RFTN1: variants seen among roughly 807,000 people sequenced by gnomAD.
RFTN1 encodes raftlin.
RFTN1 carries 26 observed loss-of-function variants against 46.5 expected under a neutral mutation model. That is an observed-to-expected ratio of 0.56 (90% confidence interval 0.41 to 0.78). The LOEUF (loss-of-function observed/expected upper bound fraction) is 0.78, where lower values mean the gene tolerates loss of function less well. Among genes scored for constraint, RFTN1 ranks in the 30% least tolerant of loss-of-function variants. The probability of loss-of-function intolerance (pLI) is 0.00; values close to 1 mark genes in which losing one functional copy is unlikely to be tolerated. For missense variants in RFTN1, 693 were observed against 718.7 expected, an observed-to-expected ratio of 0.96 and a Z score of 0.41; for synonymous variants, 261 against 284.2, an observed-to-expected ratio of 0.92 and a Z score of 0.82.
chr3:16,337,192 G>C lies in RFTN1; in HGVS notation c.1147-10316C>G, dbSNP rs902310225. ...CCTGTGGCCCTGCTAAGCAGCAGAC[G>C]TGAGAGATGCCATCTTGGAGCTGCT... On this transcript the variant is annotated intron_variant, in intron 7 of 9. Transcript: ENST00000334133. This position sits in a 1 kb window ranked among gnomAD's most constrained non-coding sequence, Gnocchi z 5.0. 1 of 152,230 alleles carries C rather than the reference G, an allele frequency of 6.6e-6. No homozygotes were observed. Among genetic ancestry groups the C allele is most frequent in the Admixed American group, 6.5e-5 (1 of 15,288 alleles). 9.4% of individuals were successfully genotyped at this position (152,230 alleles called of 1,614,324 possible).
Position 16,509,495 on chromosome 3 carries a change from C to T in RFTN1, c.-9+3947G>A, listed in dbSNP as rs1438981510. 2.0e-5 allele frequency among the ~76,000 whole-genome samples: 3 copies of T among 152,120 alleles called. No individual in the cohort carries two copies. Among genetic ancestry groups the T allele is most frequent in the Middle Eastern group, 3.2e-3 (1 of 316 alleles). On this transcript the variant is annotated intron_variant, in intron 1 of 9. Transcript: ENST00000334133. The surrounding 1 kb of genome is among the most constrained non-coding windows in gnomAD (Gnocchi z 4.9). ...TCATGAGGATTAAATTCAGATAATG[C>T]GTGCAAAATGTACAACAGTGCCTGG...
chr3:16,375,247 G>A (rs1021628110), intron 5 of RFTN1, among the ~76,000 whole-genome samples: 2 of 152,092 alleles, frequency 1.3e-5, no homozygotes, highest in East Asian at 1.9e-4. Flanking sequence ...CAGTGAGTGG[G>A]CTTCCTAGGA....
In RFTN1 at chr3:16,370,513, T is replaced by A. The variant is rs562038029; in HGVS notation, c.827-234A>T. 1.3e-5 allele frequency among the ~76,000 whole-genome samples: 2 copies of A among 152,310 alleles called. No individual in the cohort carries two copies. Among genetic ancestry groups the A allele is most frequent in the South Asian group, 4.2e-4 (2 of 4,818 alleles). On this transcript the variant is annotated intron_variant, in intron 5 of 9. Coordinates refer to ENST00000334133, the MANE Select transcript of RFTN1 (RefSeq NM_015150.2). The surrounding 1 kb of genome is among the most constrained non-coding windows in gnomAD (Gnocchi z 5.5). ...TTGGGCTTCTGATGGGGAACTTAGG[T>A]TTTTAATCTGGAATATAATGAATAG...
chr3:16,479,402 C>G lies in RFTN1; in HGVS notation c.145+14323G>C, dbSNP rs952769544. On this transcript the variant is annotated intron_variant, in intron 2 of 9. Transcript: ENST00000334133. The surrounding 1 kb of genome is among the most constrained non-coding windows in gnomAD (Gnocchi z 5.1). ...GTAAGTTTTTGTTTTCATTTACAGT[C>G]TCTAGATTGGCAAGAAACAGTGGTA... 4.6e-5 allele frequency among the ~76,000 whole-genome samples: 7 copies of G among 152,286 alleles called. No homozygotes were observed. The South Asian group carries it at 1.0e-3, about 23-fold the overall frequency.
intron 4 of RFTN1, among the ~76,000 whole-genome samples, chr3:16,397,747 T>C (rs1207271971): frequency 6.6e-6 from 1 of 151,960 alleles, no homozygotes; most frequent in Non-Finnish European, 1.5e-5. Flanking sequence ...GTATGTGCTA[T>C]GGTATAGATA....
chr3:16,316,670 TG>T lies in RFTN1; in HGVS notation c.*157del. 1 of 786,572 alleles carries T rather than the reference TG, an allele frequency of 1.3e-6. No homozygotes were observed. Among genetic ancestry groups the T allele is most frequent in the Non-Finnish European group, 2.1e-6 (1 of 471,390 alleles). 48.7% of individuals were successfully genotyped at this position (786,572 alleles called of 1,614,324 possible). A position where few individuals can be genotyped will look rare whatever the true frequency, so the allele number is the denominator to read the frequency against. On this transcript the variant is annotated 3_prime_UTR_variant, in exon 10 of 10. Coordinates refer to ENST00000334133, the MANE Select transcript of RFTN1 (RefSeq NM_015150.2). The surrounding 1 kb of genome is among the most constrained non-coding windows in gnomAD (Gnocchi z 4.5). ...GCAAAAACCAACACTGTCAGGAACC[TG>T]GCCCTGGGAGGGCTCAGGTGAGCTC...
Position 16,426,266 on chromosome 3 carries a change from T to C in RFTN1, c.332+7585A>G, listed in dbSNP as rs1266730282. Reference sequence around the variant, plus strand: ...CACCCCAGTAGGCGCTACCACCCCCTGTGTATTTCGCTTAATTATGAAACC... The same window carrying C: ...CACCCCAGTAGGCGCTACCACCCCCCGTGTATTTCGCTTAATTATGAAACC... On this transcript the variant is annotated intron_variant, in intron 3 of 9. Transcript: ENST00000334133. This position sits in a 1 kb window ranked among gnomAD's most constrained non-coding sequence, Gnocchi z 5.9. Among the ~76,000 whole-genome samples the C allele has an allele frequency of 6.6e-6, 1 of 152,176 alleles. No homozygotes were observed. The highest frequency in any genetic ancestry group is 1.5e-5 in the Non-Finnish European group (1 of 68,032).
rs184961363 is a variant in RFTN1, at chr3:16,474,951, T to A, written c.145+18774A>T. Among the ~76,000 whole-genome samples the A allele has an allele frequency of 3.5e-4, 53 of 152,334 alleles. 1 individual carries two copies. The highest frequency in any genetic ancestry group is 6.8e-3 in the Middle Eastern group (2 of 294). On this transcript the variant is annotated intron_variant, in intron 2 of 9. Transcript: ENST00000334133. This position sits in a 1 kb window ranked among gnomAD's most constrained non-coding sequence, Gnocchi z 5.5. ...GGATATTTGTCCCCTCCAAATCTCA[T>A]ATTGATATTTGATCTCCCACGTTGG...
rs555814751 is a variant in RFTN1 at position 16,410,124 on chromosome 3, A to G, written c.333-641T>C. On this transcript the variant is annotated intron_variant, in intron 3 of 9. Coordinates refer to ENST00000334133, the MANE Select transcript of RFTN1 (RefSeq NM_015150.2). This position sits in a 1 kb window ranked among gnomAD's most constrained non-coding sequence, Gnocchi z 4.6. ...CTACTCAAGTAATATATACATATCC[A>G]CATCATAGTAAGACCTCTAAGATGT... is the stretch of plus-strand genomic sequence containing the variant. Among the ~76,000 whole-genome samples, 37 of 152,056 alleles carry G rather than the reference A, an allele frequency of 2.4e-4. No individual in the cohort carries two copies. Among genetic ancestry groups the G allele is most frequent in the African/African-American group, 8.7e-4 (36 of 41,454 alleles).
Position 16,316,782 on chromosome 3 carries a change from C to T in RFTN1, c.*46G>A. ...CCCAAACCAGCTGTTGGTAAGATGCCTTGGGTTTGGCAACTCACCTAGTTT... is the reference window on the plus strand; with the variant it reads ...CCCAAACCAGCTGTTGGTAAGATGCTTTGGGTTTGGCAACTCACCTAGTTT... On this transcript the variant is annotated 3_prime_UTR_variant, in exon 10 of 10. Transcript: ENST00000334133. This position sits in a 1 kb window ranked among gnomAD's most constrained non-coding sequence, Gnocchi z 4.5. 2 of 1,610,572 alleles carry T rather than the reference C, an allele frequency of 1.2e-6. No homozygotes were observed. The highest frequency in any genetic ancestry group is 1.7e-4 in the Middle Eastern group (1 of 6,044).
At chr3:16,416,251 C>A in intron 3 of RFTN1, 1 of 455,580 alleles carries the variant, frequency 2.2e-6, no homozygotes, top group East Asian at 7.0e-5. Context: ...GAACTCGAAT[C>A]CTTAGAGTGT....
At position 16,504,834 on chromosome 3, in the gene RFTN1, T is replaced by G. The variant is rs1447509026; in HGVS notation, c.-9+8608A>C. 2.0e-5 allele frequency among the ~76,000 whole-genome samples: 3 copies of G among 152,138 alleles called. No homozygotes were observed. Among genetic ancestry groups the G allele is most frequent in the Admixed American group, 2.0e-4 (3 of 15,280 alleles). Reference sequence around the variant, plus strand: ...CTTTCTCTCTTCACCTGAGACTTTCTCAGCACTTCTGGAAGAATATGCCCC... The same window carrying G: ...CTTTCTCTCTTCACCTGAGACTTTCGCAGCACTTCTGGAAGAATATGCCCC... On this transcript the variant is annotated intron_variant, in intron 1 of 9. Transcript: ENST00000334133. The surrounding 1 kb of genome is among the most constrained non-coding windows in gnomAD (Gnocchi z 4.4).
In RFTN1 at chr3:16,445,489, A is replaced by T. The variant is rs373254984; in HGVS notation, c.146-11452T>A. 6.7e-3 allele frequency among the ~76,000 whole-genome samples: 967 copies of T among 143,306 alleles called. 11 individuals are homozygous for T. The highest frequency in any genetic ancestry group is 0.025 in the African/African-American group (906 of 36,020). The allele number at this position is 143,306 out of a possible 152,430, so 94.0% of individuals were successfully genotyped here. On this transcript the variant is annotated intron_variant, in intron 2 of 9. Coordinates refer to ENST00000334133, the MANE Select transcript of RFTN1 (RefSeq NM_015150.2). ...CTTTCTCTCTCTCTCTCTCTCACAC[A>T]CACACACACACACACACACACACAC...
rs1167092234 is a variant in RFTN1 at position 16,506,492 on chromosome 3, T to C, written c.-9+6950A>G. ...TGACAGTAAGTAGAGGTGTGAGCAG[T>C]GGTCAAATTCTGTATATGTTTTGAA... is the stretch of plus-strand genomic sequence containing the variant. On this transcript the variant is annotated intron_variant, in intron 1 of 9. Transcript: ENST00000334133. This position sits in a 1 kb window ranked among gnomAD's most constrained non-coding sequence, Gnocchi z 4.8. 1.3e-5 allele frequency among the ~76,000 whole-genome samples: 2 copies of C among 152,098 alleles called. No individual in the cohort carries two copies. Among genetic ancestry groups the C allele is most frequent in the Non-Finnish European group, 2.9e-5 (2 of 68,024 alleles).
At chr3:16,365,304 C>T (rs1204283506) in intron 6 of RFTN1, among the ~76,000 whole-genome samples, 2 of 152,200 alleles carry the variant, frequency 1.3e-5, no homozygotes, top group African/African-American at 4.8e-5. Flanking sequence ...CTCACCACCA[C>T]TGGCATTATT....
chr3:16,404,486 A>G (rs1251620566), intron 4 of RFTN1, among the ~76,000 whole-genome samples: 1 of 144,392 alleles, frequency 6.9e-6, no homozygotes, highest in Non-Finnish European at 1.5e-5. Context: ...GCCATGCCCT[A>G]CATCTTTACA....
chr3:16,425,641 G>A lies in RFTN1; in HGVS notation c.332+8210C>T, dbSNP rs887163467. Among the ~76,000 whole-genome samples, 46 of 152,018 alleles carry A rather than the reference G, an allele frequency of 3.0e-4. No individual in the cohort carries two copies. The highest frequency in any genetic ancestry group is 1.0e-3 in the African/African-American group (42 of 41,368). On this transcript the variant is annotated intron_variant, in intron 3 of 9. Coordinates refer to ENST00000334133, the MANE Select transcript of RFTN1 (RefSeq NM_015150.2). The surrounding 1 kb of genome is among the most constrained non-coding windows in gnomAD (Gnocchi z 4.3). The stretch of plus-strand genomic sequence containing the variant: ...TGGAGGAAGAGAACAAGAGTAACTC[G>A]GCAAGCCATTTAGGAGTGTGGATTG...
At chr3:16,354,653 C>G (rs910438552) in intron 7 of RFTN1, among the ~76,000 whole-genome samples, 4 of 152,236 alleles carry the variant, frequency 2.6e-5, no homozygotes, top group African/African-American at 7.2e-5. Context: ...CAAACAGTAG[C>G]CTGGCCAACC....
rs1246480342 is a variant in RFTN1, at chr3:16,443,013, G to C, written c.146-8976C>G. Among the ~76,000 whole-genome samples the C allele has an allele frequency of 6.6e-6, 1 of 152,112 alleles. No homozygotes were observed. The highest frequency in any genetic ancestry group is 1.5e-5 in the Non-Finnish European group (1 of 68,018). ...ACATGTAGGTTGTTTCCATATCCTG[G>C]CTATTGTGAATAATGCTGCATGGAG... On this transcript the variant is annotated intron_variant, in intron 2 of 9. Coordinates refer to ENST00000334133, the MANE Select transcript of RFTN1 (RefSeq NM_015150.2). This position sits in a 1 kb window ranked among gnomAD's most constrained non-coding sequence, Gnocchi z 5.5.
Sources: gnomAD v4.1 joint callset for allele counts (sites outside exome capture counted in the v4.1 genomes callset) on GRCh38, gnomAD v4.1.1 for gene constraint, Gnocchi (gnomAD v3.1) non-coding constraint, MANE v1.5 for transcripts, NCBI Gene and HGNC (gene_info 2026-07-23, HGNC 2026-07-21) for gene names.